SHQ1: variants seen among roughly 807,000 people sequenced by gnomAD.
SHQ1 encodes protein SHQ1 homolog.
A neutral mutation model predicts 53.8 loss-of-function variants in SHQ1; 49 were observed. That is an observed-to-expected ratio of 0.91 (90% CI 0.72 to 1.16). The LOEUF is 1.16. Among genes scored for constraint, SHQ1 ranks in the 50% most tolerant of loss-of-function variants. The probability of loss-of-function intolerance (pLI) is 0.00; values close to 1 mark genes in which losing one functional copy is unlikely to be tolerated. For missense variants in SHQ1, 738 were observed against 683.1 expected, an observed-to-expected ratio of 1.08 and a Z score of -0.90; for synonymous variants, 243 against 251.0, an observed-to-expected ratio of 0.97 and a Z score of 0.30.
chr3:72,830,870 T>C (rs1707804146), intron 5 of SHQ1, among the ~76,000 whole-genome samples: 1 of 152,204 alleles, frequency 6.6e-6, no homozygotes, highest in Non-Finnish European at 1.5e-5. Flanking sequence ...CTGCTAACTA[T>C]AAATTCCAAT....
intron 6 of SHQ1, 110 bp from the exon 7 acceptor site, chr3:72,817,494 C>A (rs899294243): frequency 9.6e-7 from 1 of 1,038,242 alleles, no homozygotes; most frequent in Non-Finnish European, 1.4e-6. Context: ...AATAAAAGTT[C>A]TTTCTACTTA....
rs539214917 is a variant in SHQ1 at position 72,837,207 on chromosome 3, GA to G, written c.486+3837del. 5.9e-3 allele frequency among the ~76,000 whole-genome samples: 893 copies of G among 152,208 alleles called. 4 individuals carry two copies. The highest frequency in any genetic ancestry group is 9.8e-3 in the Non-Finnish European group (666 of 67,996). On this transcript the variant is annotated intron_variant, in intron 4 of 10. Coordinates refer to ENST00000325599, the MANE Select transcript of SHQ1 (RefSeq NM_018130.3). ...GGTGGCTGGCAGCAATTTCAGAAAGGAAAAAAAGACTGGGGATAGGAAGAAT... is the reference window on the plus strand; with the variant it reads ...GGTGGCTGGCAGCAATTTCAGAAAGGAAAAAAGACTGGGGATAGGAAGAAT...
At chr3:72,839,453 C>A (rs1017168154) in intron 4 of SHQ1, among the ~76,000 whole-genome samples, 1 of 152,170 alleles carries the variant, frequency 6.6e-6, no homozygotes, top group African/African-American at 2.4e-5. Flanking sequence ...AATGTTGTTC[C>A]CTTTAAGGAA....
In SHQ1 at chr3:72,848,235, A is replaced by C; in HGVS notation, c.106T>G (p.Ser36Ala). ...GGCTTGGCGTAGAACTTGAAGTCAG[A>C]CCCCTCGAAGTAGACGTCGAACTCG... ...VSEFDVYFEG[S>A]DFKFYAKPYF... Residue 36 changes from serine to alanine, a missense_variant, in exon 1 of 11, where the codon TCT becomes GCT. Ser to Ala is a moderately conservative substitution (Grantham distance 99). Coordinates refer to ENST00000325599, the MANE Select transcript of SHQ1 (RefSeq NM_018130.3). 6.2e-7 allele frequency: 1 copy of C among 1,613,946 alleles called. No individual in the cohort carries two copies. The highest frequency in any genetic ancestry group is 8.5e-7 in the Non-Finnish European group (1 of 1,180,010).
At chr3:72,815,534 T>A in intron 7 of SHQ1, 131 bp from the exon 8 acceptor site, 1 of 600,998 alleles carries the variant, frequency 1.7e-6, no homozygotes, top group Non-Finnish European at 2.9e-6. Flanking sequence ...TGTTCACGAC[T>A]ATAGAAAAAT....
At chr3:72,846,298 C>CT (rs745807243) in intron 1 of SHQ1, 92,826 of 1,371,864 alleles carry the variant, frequency 0.068, 1 homozygote, top group Middle Eastern at 0.073. Flanking sequence ...ACTGTATGTT[C>CT]TTTTTTTTTT....
intron 10 of SHQ1, among the ~76,000 whole-genome samples, chr3:72,771,166 C>T (rs1415046983): frequency 6.6e-6 from 1 of 152,192 alleles, no homozygotes; most frequent in Non-Finnish European, 1.5e-5. Context: ...ACAGAGAATG[C>T]TCACTCTAAT....
At chr3:72,818,995 T>A (rs896495274) in intron 6 of SHQ1, among the ~76,000 whole-genome samples, 1 of 152,170 alleles carries the variant, frequency 6.6e-6, no homozygotes, top group African/African-American at 2.4e-5. Context: ...CATCTGTTTT[T>A]TAAAAAAATA....
At chr3:72,845,355 C>A (rs554858356) in intron 1 of SHQ1, among the ~76,000 whole-genome samples, 6 of 152,050 alleles carry the variant, frequency 3.9e-5, no homozygotes. Flanking sequence ...TAGTGGTGCA[C>A]ACCTGTAACC....
intron 10 of SHQ1, among the ~76,000 whole-genome samples, chr3:72,775,459 C>CTTT (rs202198673): frequency 2.0e-4 from 24 of 119,630 alleles, no homozygotes; most frequent in African/African-American, 7.3e-4. Flanking sequence ...GACACAATGG[C>CTTT]TTTTTTTTTT....
intron 10 of SHQ1, among the ~76,000 whole-genome samples, chr3:72,764,258 T>C (rs1705670032): frequency 6.6e-6 from 1 of 152,044 alleles, no homozygotes; most frequent in Non-Finnish European, 1.5e-5. Flanking sequence ...TCACAGCTGA[T>C]GGCAGCCTAG....
intron 6 of SHQ1, among the ~76,000 whole-genome samples, chr3:72,818,223 A>G (rs1367660220): frequency 1.3e-5 from 2 of 152,024 alleles, no homozygotes; most frequent in East Asian, 3.8e-4. Flanking sequence ...CTAAAAGTCA[A>G]CTGGTGTGTA....
rs1448223003 is a variant in SHQ1 at position 72,842,350 on chromosome 3, C to A, written c.261G>T (p.Gly87=). 1 of 1,613,878 alleles carries A rather than the reference C, an allele frequency of 6.2e-7. No homozygotes were observed. Among genetic ancestry groups the A allele is most frequent in the South Asian group, 1.1e-5 (1 of 91,082 alleles). The change falls in exon 3 of 11, where the codon GGG becomes GGT. Residue 87 remains glycine (G), a synonymous_variant. Transcript: ENST00000325599. ...CCAGAAGAGCAGTTAACATGTTCAG[C>A]CCCTCAAAATGCTGGCCAGGGGTTT... ...PKETPGQHFE[G]LNMLTALLAP... is the part of the protein sequence containing the mutation.
intron 5 of SHQ1, 132 bp from the exon 6 acceptor site, chr3:72,824,683 A>G: frequency 9.3e-7 from 1 of 1,071,158 alleles, no homozygotes; most frequent in East Asian, 2.7e-5. Flanking sequence ...GAAAGACTGA[A>G]CACTATATTT....
chr3:72,802,275 G>T (rs984879715), intron 9 of SHQ1, among the ~76,000 whole-genome samples: 9 of 152,168 alleles, frequency 5.9e-5, no homozygotes, highest in African/African-American at 2.2e-4. Context: ...AGACCATACT[G>T]TCTGTCCCCA....
At position 72,808,184 on chromosome 3, in the gene SHQ1, AC is replaced by A. The variant is rs539995043; in HGVS notation, c.1060+4486del. On this transcript the variant is annotated intron_variant, in intron 9 of 10. Coordinates refer to ENST00000325599, the MANE Select transcript of SHQ1 (RefSeq NM_018130.3). ...GGTAGTATGGTGGTTAAGAGTCCAG[AC>A]TTAAGGAAAAAAAAAGACTTTGTCT... 2.2e-3 allele frequency among the ~76,000 whole-genome samples: 333 copies of A among 152,256 alleles called. 2 individuals carry two copies. Among genetic ancestry groups the A allele is most frequent in the African/African-American group, 7.6e-3 (315 of 41,534 alleles).
chr3:72,841,200 C>G lies in SHQ1; in HGVS notation c.332-1G>C, dbSNP rs757063260. 2.5e-6 allele frequency: 4 copies of G among 1,602,042 alleles called. No individual in the cohort carries two copies. In the East Asian group the frequency reaches 6.7e-5, roughly 27 times the overall value. On this transcript the variant is annotated splice_acceptor_variant, in intron 3 of 10. Transcript: ENST00000325599. LOFTEE classifies it high-confidence loss of function. ...ACTTCCTCAGGAATCTCAGAAGCAC[C>G]TGAATGTGTTAAATTTTAATTTTTT...
intron 10 of SHQ1, among the ~76,000 whole-genome samples, chr3:72,789,105 T>C (rs998498828): frequency 8.8e-6 from 1 of 114,284 alleles, no homozygotes; most frequent in Non-Finnish European, 1.9e-5. Flanking sequence ...AAAAGAAAAA[T>C]AAACTTGTTA....
the SHQ1 span, among the ~76,000 whole-genome samples, chr3:72,744,250 A>G: frequency 6.6e-6 from 1 of 152,190 alleles, no homozygotes. Context: ...CAGTCAGGAA[A>G]TGTTTCTTGG....
Sources: gnomAD v4.1 joint callset for allele counts (sites outside exome capture counted in the v4.1 genomes callset) on GRCh38, gnomAD v4.1.1 for gene constraint, MANE v1.5 for transcripts, NCBI Gene and HGNC (gene_info 2026-07-23, HGNC 2026-07-21) for gene names.